POLN: variants seen among roughly 807,000 people sequenced by gnomAD.
POLN encodes DNA polymerase N.
A neutral mutation model predicts 113.5 loss-of-function variants in POLN; 108 were observed. That is an observed-to-expected ratio of 0.95 (90% confidence interval 0.81 to 1.12). The LOEUF is 1.12. Among genes scored for constraint, POLN ranks in the 50% most tolerant of loss-of-function variants. POLN has a pLI of 0.00. For synonymous variants in POLN, 386 were observed against 391.5 expected (o/e 0.99, Z 0.17); for missense variants, 1,097 against 1,077.1 (o/e 1.02, Z -0.26).
intron 8 of POLN, 65 bp downstream of exon 8, chr4:2,179,243 A>G: frequency 7.0e-7 from 1 of 1,431,532 alleles, no homozygotes. Flanking sequence ...TCAATAAAAT[A>G]GAAAAAGCTT....
chr4:2,210,530 G>A (rs1202025735), intron 4 of POLN, among the ~76,000 whole-genome samples: 2 of 150,872 alleles, frequency 1.3e-5, no homozygotes, highest in African/African-American at 4.9e-5. Context: ...ACAGTGAGCC[G>A]TGGTCACACC....
Position 2,232,209 on chromosome 4 carries a change from C to A in POLN, c.-12-2966G>T, listed in dbSNP as rs758522427. 10 of 804,404 alleles carry A rather than the reference C, an allele frequency of 1.2e-5. No individual in the cohort carries two copies. In the East Asian group the frequency reaches 2.5e-4, roughly 20 times the overall value. 49.8% of individuals were successfully genotyped at this position (804,404 alleles called of 1,614,324 possible). A position where few individuals can be genotyped will look rare whatever the true frequency, so the allele number is the denominator to read the frequency against. On this transcript the variant is annotated intron_variant, in intron 2 of 25. Coordinates refer to ENST00000511885, the MANE Select transcript of POLN (RefSeq NM_181808.4). ...AAATTAAAACACTTTATTCCTAATA[C>A]CAATTATAAAATTAAAATATAATTT...
intron 20 of POLN, chr4:2,090,590 A>G: frequency 2.2e-6 from 1 of 453,900 alleles, no homozygotes; most frequent in Non-Finnish European, 4.1e-6. Context: ...TCGCAGTCAC[A>G]GCCTCGAACA....
At chr4:2,078,053 G>T (rs984544939) in intron 23 of POLN, among the ~76,000 whole-genome samples, 2 of 152,352 alleles carry the variant, frequency 1.3e-5, no homozygotes, top group African/African-American at 4.8e-5. Context: ...CGTGTTGCCT[G>T]TCTGGGGCCT....
chr4:2,137,340 C>T (rs980764761), intron 16 of POLN, among the ~76,000 whole-genome samples: 5 of 152,170 alleles, frequency 3.3e-5, no homozygotes, highest in East Asian at 1.9e-4. Context: ...ACAATGCCAG[C>T]GGTCTCTTGA....
intron 2 of POLN, chr4:2,240,694 T>C (rs191190898): frequency 6.2e-7 from 1 of 1,614,076 alleles, no homozygotes; most frequent in Admixed American, 1.7e-5. Flanking sequence ...TCAGAAGTTT[T>C]ACACGTTTTA....
intron 3 of POLN, among the ~76,000 whole-genome samples, chr4:2,213,820 CA>C (rs1734050305): frequency 2.6e-5 from 4 of 152,228 alleles, no homozygotes; most frequent in Middle Eastern, 3.4e-3. Context: ...AATGAAAAGA[CA>C]CAGCATTAGG....
intron 3 of POLN, among the ~76,000 whole-genome samples, chr4:2,221,711 G>T (rs1219623803): frequency 6.6e-6 from 1 of 152,146 alleles, no homozygotes; most frequent in Non-Finnish European, 1.5e-5. Context: ...GAGCAGCTGG[G>T]ATTACAGGCA....
chr4:2,216,054 A>G (rs1479264062), intron 3 of POLN, among the ~76,000 whole-genome samples: 1 of 152,210 alleles, frequency 6.6e-6, no homozygotes, highest in African/African-American at 2.4e-5. Context: ...GAGGTGGCCA[A>G]TCACATCACC....
At chr4:2,111,988 T>C (rs1451490161) in intron 19 of POLN, among the ~76,000 whole-genome samples, 6 of 151,628 alleles carry the variant, frequency 4.0e-5, no homozygotes, top group South Asian at 4.2e-4. Context: ...TCAAACTATA[T>C]TACAAGGCTA....
intron 19 of POLN, among the ~76,000 whole-genome samples, chr4:2,107,850 A>G (rs1048560974): frequency 1.3e-5 from 2 of 152,204 alleles, no homozygotes; most frequent in Non-Finnish European, 2.9e-5. Context: ...GAGGAGCTAC[A>G]ATGACCATAA....
intron 2 of POLN, among the ~76,000 whole-genome samples, chr4:2,233,410 T>A (rs1734652100): frequency 6.6e-6 from 1 of 151,218 alleles, no homozygotes; most frequent in Admixed American, 6.6e-5. Context: ...AGAGTGAGAT[T>A]ACCATATTTT....
At chr4:2,226,615 T>C (rs1294541142) in intron 3 of POLN, among the ~76,000 whole-genome samples, 1 of 151,644 alleles carries the variant, frequency 6.6e-6, no homozygotes, top group Non-Finnish European at 1.5e-5. Context: ...CAAGAAGATA[T>C]AACAGTCCAA....
chr4:2,122,216 A>G lies in POLN; in HGVS notation c.1982+5897T>C, dbSNP rs541125010. ...AACAAAGCTCAAACCAAGAGGCAAA[A>G]TAGTCTTCCTGCCTGAACTAAAACC... On this transcript the variant is annotated intron_variant, in intron 19 of 25. Coordinates refer to ENST00000511885, the MANE Select transcript of POLN (RefSeq NM_181808.4). 4.6e-5 allele frequency among the ~76,000 whole-genome samples: 7 copies of G among 152,320 alleles called. No homozygotes were observed. In the South Asian group the frequency reaches 1.5e-3, roughly 32 times the overall value.
intron 21 of POLN, among the ~76,000 whole-genome samples, chr4:2,084,855 T>TTTG (rs1415984026): frequency 1.3e-5 from 2 of 152,242 alleles, no homozygotes; most frequent in Non-Finnish European, 2.9e-5. Context: ...CATCCTCCTC[T>TTTG]TTGTTGTTGA....
At position 2,241,927 on chromosome 4, in the gene POLN, G is replaced by C. The variant is rs1449798016; in HGVS notation, c.-284+124C>G. 4 of 985,398 alleles carry C rather than the reference G, an allele frequency of 4.1e-6. No individual in the cohort carries two copies. The East Asian group carries it at 3.4e-4, about 84-fold the overall frequency. 61.0% of individuals were successfully genotyped at this position (985,398 alleles called of 1,614,324 possible). ...GGCCCTGATCCCCGGGCAGCTGCTG[G>C]AGCACCTGGAAGGAGCCCCCAGGAG... On this transcript the variant is annotated intron_variant, in intron 1 of 25. Transcript: ENST00000511885.
intron 16 of POLN, among the ~76,000 whole-genome samples, chr4:2,137,050 G>A (rs1731875076): frequency 6.6e-6 from 1 of 152,234 alleles, no homozygotes; most frequent in Non-Finnish European, 1.5e-5. Flanking sequence ...CAGCCTCCCG[G>A]GGCAGGGCCC....
rs1358687530 is a variant in POLN, at chr4:2,201,291, A to AAAAAAC, written c.715-2575_715-2574insGTTTTT. The stretch of plus-strand genomic sequence containing the variant: ...CCCTACCACTCCAAAAAAAAAAAAA[A>AAAAAAC]AAAAAAAAAAAACGAGGGGAGAAAT... On this transcript the variant is annotated intron_variant, in intron 5 of 25. Transcript: ENST00000511885. Among the ~76,000 whole-genome samples the AAAAAAC allele has an allele frequency of 3.8e-4, 57 of 148,186 alleles. 4 individuals carry two copies. Among genetic ancestry groups the AAAAAAC allele is most frequent in the African/African-American group, 1.4e-3 (55 of 39,796 alleles).
At chr4:2,115,438 T>C (rs1029190435) in intron 19 of POLN, among the ~76,000 whole-genome samples, 12 of 152,044 alleles carry the variant, frequency 7.9e-5, no homozygotes, top group Non-Finnish European at 1.3e-4. Context: ...CACTTCTCTA[T>C]TGAAATTTAT....
Sources: gnomAD v4.1 joint callset for allele counts (sites outside exome capture counted in the v4.1 genomes callset) on GRCh38, gnomAD v4.1.1 for gene constraint, MANE v1.5 for transcripts, NCBI Gene and HGNC (gene_info 2026-07-23, HGNC 2026-07-21) for gene names.